The following NADK variants were observed in gnomAD, a reference collection of about 807,000 sequenced individuals.
The protein encoded by NADK is poly(P)/ATP NAD kinase.
A neutral mutation model predicts 49.8 loss-of-function variants in NADK; 22 were observed. The observed-to-expected ratio is 0.44, with a 90% CI of 0.32 to 0.63. NADK has a LOEUF of 0.63. Ranked by LOEUF, NADK falls within the 30% of genes least tolerant of loss-of-function variation. NADK has a pLI of 0.06. For missense variants in NADK, 438 were observed against 609.4 expected (o/e 0.72, Z 2.96); for synonymous variants, 268 against 253.7 (o/e 1.06, Z -0.54).
rs968674248 is a variant in NADK, at chr1:1,772,337, A to AT, written c.-41+5951dup. Among the ~76,000 whole-genome samples the AT allele has an allele frequency of 4.0e-5, 6 of 151,398 alleles. No homozygotes were observed. The East Asian group carries it at 9.9e-4, about 25-fold the overall frequency. ...ACCACCATGCCTGACTAATTTTTGT[A>AT]TTTTTTTGTAGAGATGAGGTTTTGC... On this transcript the variant is annotated intron_variant, in intron 1 of 11. Coordinates refer to ENST00000341426, the MANE Select transcript of NADK (RefSeq NM_023018.5).
intron 11 of NADK, among the ~76,000 whole-genome samples, 160 bp from the exon 12 acceptor site, chr1:1,753,220 C>G (rs1338956249): frequency 6.6e-6 from 1 of 152,208 alleles, no homozygotes; most frequent in Non-Finnish European, 1.5e-5. Flanking sequence ...CCCATGGGTG[C>G]TGGGACAGAG....
intron 1 of NADK, among the ~76,000 whole-genome samples, chr1:1,767,990 T>C (rs917167793): frequency 1.3e-5 from 2 of 151,846 alleles, no homozygotes; most frequent in African/African-American, 2.4e-5. Flanking sequence ...CTGACCAACA[T>C]AGTGAAACTC....
intron 3 of NADK, among the ~76,000 whole-genome samples, chr1:1,760,624 G>A (rs931460302): frequency 2.0e-5 from 3 of 152,074 alleles, no homozygotes; most frequent in Non-Finnish European, 2.9e-5. Flanking sequence ...CGGCCCTTCC[G>A]CATGGTCCTC....
chr1:1,771,195 T>C (rs1208894810), intron 1 of NADK, among the ~76,000 whole-genome samples: 2 of 151,308 alleles, frequency 1.3e-5, no homozygotes, highest in Non-Finnish European at 2.9e-5. Context: ...GCAAAAGACA[T>C]GTCAGAACTG....
chr1:1,758,678 A>G (rs915970202), intron 3 of NADK: 5 of 1,300,414 alleles, frequency 3.8e-6, no homozygotes, highest in Admixed American at 9.5e-5. Flanking sequence ...TAAAAATCAA[A>G]CAAAACAAAA....
intron 4 of NADK, chr1:1,756,887 AGAG>A (rs777518842): frequency 1.2e-6 from 1 of 804,540 alleles, no homozygotes; most frequent in Non-Finnish European, 2.2e-6. Flanking sequence ...GCTCTTCTGA[AGAG>A]AAGACACAGC....
chr1:1,766,832 C>G (rs1486385929), intron 1 of NADK, among the ~76,000 whole-genome samples: 3 of 151,854 alleles, frequency 2.0e-5, no homozygotes, highest in Non-Finnish European at 4.4e-5. Flanking sequence ...GTCTTCAATT[C>G]CTGGCCTCAA....
intron 1 of NADK, among the ~76,000 whole-genome samples, chr1:1,767,377 A>G (rs945969462): frequency 6.6e-6 from 1 of 152,214 alleles, no homozygotes; most frequent in African/African-American, 2.4e-5. Context: ...GCTGGAGGTG[A>G]CATAAACAGG....
chr1:1,756,774 AG>A, intron 4 of NADK, 166 bp from the exon 5 acceptor site: 7 of 1,200,492 alleles, frequency 5.8e-6, no homozygotes. Flanking sequence ...AGGAGGAAGC[AG>A]GACCTTTAAG....
chr1:1,755,589 C>T (rs1319696717), intron 6 of NADK, 113 bp from the exon 7 acceptor site: 23 of 801,220 alleles, frequency 2.9e-5, no homozygotes, highest in South Asian at 1.5e-4. Flanking sequence ...CACCCCGACC[C>T]TCTGCAGGAG....
chr1:1,753,735 C>T lies in NADK; in HGVS notation c.1102-86G>A, dbSNP rs116158832. ...CCACCCCTGAGTGCTCGCCAGAGGTCGAAGGTTGGGCAGCTCTGACCCTGC... is the reference window on the plus strand; with the variant it reads ...CCACCCCTGAGTGCTCGCCAGAGGTTGAAGGTTGGGCAGCTCTGACCCTGC... On this transcript the variant is annotated intron_variant, in intron 10 of 11. Coordinates refer to ENST00000341426, the MANE Select transcript of NADK (RefSeq NM_023018.5). 2.5e-3 allele frequency: 3,152 copies of T among 1,259,630 alleles called. 50 individuals carry two copies. In the African/African-American group the frequency reaches 0.038, roughly 15 times the overall value. 78.0% of individuals were successfully genotyped at this position (1,259,630 alleles called of 1,614,324 possible).
At chr1:1,763,416 C>T (rs758455900) in intron 2 of NADK, among the ~76,000 whole-genome samples, 2 of 151,938 alleles carry the variant, frequency 1.3e-5, no homozygotes, top group Non-Finnish European at 2.9e-5. Flanking sequence ...GTCAGGTGTT[C>T]GAGACCAGCC....
In NADK at chr1:1,754,671, C is replaced by G; in HGVS notation, c.716G>C (p.Arg239Pro). ...EGNAAVVLRS[R>P]LKVRVVKELR... is the part of the protein sequence containing the mutation. ...CTCCTTCACCACCCTGACCTTCAGC[C>G]GACTCCGGAGAACAACAGCTGCGTT... The change falls in exon 8 of 12, where the codon CGG becomes CCG. Residue 239 changes from arginine to proline, a missense_variant. Transcript: ENST00000341426. This position sits in a 1 kb window ranked among gnomAD's most constrained non-coding sequence, Gnocchi z 4.3. 2 of 1,613,722 alleles carry G rather than the reference C, an allele frequency of 1.2e-6. No homozygotes were observed. Among genetic ancestry groups the G allele is most frequent in the Non-Finnish European group, 1.7e-6 (2 of 1,179,856 alleles).
intron 5 of NADK, 21 bp from the exon 6 acceptor site, chr1:1,756,364 C>T (rs774721582): frequency 6.2e-7 from 1 of 1,612,720 alleles, no homozygotes; most frequent in Non-Finnish European, 8.5e-7. Flanking sequence ...CAAAGCAAAA[C>T]CAAGAAGAGG....
chr1:1,765,393 T>C lies in NADK; in HGVS notation c.14A>G (p.Gln5Arg). Residue 5 changes from glutamine (Q) to arginine (R), a missense_variant, in exon 2 of 12, where the codon CAA becomes CGA. Transcript: ENST00000341426. Reference protein sequence around the residue: MEMEQEKMTMNKELS... With the variant: MEMEREKMTMNKELS... ...TTCCTTATTCATGGTCATTTTTTCT[T>C]GTTCCATTTCCATTGTCAGGAAATG... 1 of 1,599,250 alleles carries C rather than the reference T, an allele frequency of 6.3e-7. No homozygotes were observed.
At chr1:1,777,357 A>C (rs1646241818) in intron 1 of NADK, among the ~76,000 whole-genome samples, 1 of 152,210 alleles carries the variant, frequency 6.6e-6, no homozygotes, top group Non-Finnish European at 1.5e-5. Flanking sequence ...CAAGGTGTTA[A>C]AGTAACTAGC....
At chr1:1,759,882 G>A in intron 3 of NADK, 1 of 1,550,724 alleles carries the variant, frequency 6.4e-7, no homozygotes, top group Non-Finnish European at 8.7e-7. Flanking sequence ...CAGCTGAGAT[G>A]CGAGTGACAA....
At position 1,765,353 on chromosome 1, in the gene NADK, C is replaced by T. The variant is rs201899314; in HGVS notation, c.54G>A (p.Ala18=). The change falls in exon 2 of 12, where the codon GCG becomes GCA. Residue 18 remains alanine (A), a synonymous_variant. Coordinates refer to ENST00000341426, the MANE Select transcript of NADK (RefSeq NM_023018.5). ...MTMNKELSPD[A]AAYCCSACHG... is the part of the protein sequence containing the mutation. ...GGCAGGCCGAGCAGCAGTAAGCAGC[C>T]GCGTCTGGACTCAATTCCTTATTCA... 33 of 1,612,618 alleles carry T rather than the reference C, an allele frequency of 2.0e-5. 1 individual carries two copies. Among genetic ancestry groups the T allele is most frequent in the Admixed American group, 1.2e-4 (7 of 59,904 alleles).
intron 2 of NADK, among the ~76,000 whole-genome samples, chr1:1,763,577 C>G (rs1287100287): frequency 6.7e-6 from 1 of 148,730 alleles, no homozygotes; most frequent in Non-Finnish European, 1.5e-5. Context: ...CTAGATCACA[C>G]CACTGCACTC....
Sources: allele counts gnomAD v4.1 joint callset (sites outside exome capture counted in the v4.1 genomes callset), GRCh38; gene constraint gnomAD v4.1.1; non-coding constraint Gnocchi (gnomAD v3.1); transcripts MANE v1.5; gene names NCBI Gene and HGNC (gene_info 2026-07-23, HGNC 2026-07-21).